Variants in SAMD12 observed in about 807,000 individuals in gnomAD.
The protein encoded by SAMD12 is sterile alpha motif domain containing 12.
In SAMD12, 9 loss-of-function variants were observed where a neutral mutation model predicts 15.0. The observed-to-expected ratio is 0.60, with a 90% CI of 0.36 to 1.05. The LOEUF (loss-of-function observed/expected upper bound fraction) is 1.05, where lower values mean the gene tolerates loss of function less well. Among genes scored for constraint, SAMD12 ranks in the 50% least tolerant of loss-of-function variants. The pLI is 0.01. For missense variants in SAMD12, 230 were observed against 234.2 expected, an observed-to-expected ratio of 0.98 and a Z score of 0.12; for synonymous variants, 86 against 90.1, an observed-to-expected ratio of 0.96 and a Z score of 0.25.
At chr8:118,561,335 A>G (rs1826694947) in intron 2 of SAMD12, among the ~76,000 whole-genome samples, 1 of 152,242 alleles carries the variant, frequency 6.6e-6, no homozygotes, top group Non-Finnish European at 1.5e-5. Flanking sequence ...CTGTACAGTT[A>G]ATTTAAAATA....
chr8:118,529,972 T>C (rs1370824209), intron 2 of SAMD12, among the ~76,000 whole-genome samples: 1 of 152,228 alleles, frequency 6.6e-6, no homozygotes, highest in African/African-American at 2.4e-5. Flanking sequence ...CCATTAGAGA[T>C]TGCACTAATT....
intron 4 of SAMD12, among the ~76,000 whole-genome samples, chr8:118,305,144 CAAAAA>C (rs56200866): frequency 0.077 from 3,691 of 48,204 alleles, 103 homozygotes; most frequent in Non-Finnish European, 0.088. Flanking sequence ...GACTCCCTGT[CAAAAA>C]AAAAAAAAAA....
the SAMD12 span, among the ~76,000 whole-genome samples, chr8:118,139,182 A>C: frequency 6.6e-6 from 1 of 151,798 alleles, no homozygotes; most frequent in Non-Finnish European, 1.5e-5. Context: ...GTGAAGTCAG[A>C]CCAGAGATTG....
chr8:118,369,701 G>A lies in SAMD12; in HGVS notation c.433+9859C>T, dbSNP rs544850722. Among the ~76,000 whole-genome samples the A allele has an allele frequency of 1.1e-4, 17 of 151,514 alleles. No individual in the cohort carries two copies. In the South Asian group the frequency reaches 3.6e-3, roughly 32 times the overall value. ...TTATACTCCCGCCCGGGCAACAAGA[G>A]TAAAACTCTGTCTCAAAAAAAATAA... is the stretch of plus-strand genomic sequence containing the variant. On this transcript the variant is annotated intron_variant, in intron 4 of 4. Transcript: ENST00000409003.
At chr8:118,219,543 T>C (rs1027240567) in intron 4 of SAMD12, among the ~76,000 whole-genome samples, 7 of 152,158 alleles carry the variant, frequency 4.6e-5, no homozygotes, top group African/African-American at 1.2e-4. Context: ...ATCCCTCCCT[T>C]TGAGTGGAGG....
chr8:118,171,579 A>G, the SAMD12 span, among the ~76,000 whole-genome samples: 1 of 152,204 alleles, frequency 6.6e-6, no homozygotes, highest in African/African-American at 2.4e-5. Flanking sequence ...ATAAGTTGGT[A>G]GCAAGAGACC....
intron 2 of SAMD12, among the ~76,000 whole-genome samples, chr8:118,576,096 G>A (rs1827141943): frequency 6.6e-6 from 1 of 151,816 alleles, no homozygotes; most frequent in Admixed American, 6.6e-5. Context: ...CCTATACCCA[G>A]AGAACTTCAA....
intron 4 of SAMD12, among the ~76,000 whole-genome samples, chr8:118,350,574 C>A (rs1327315726): frequency 6.6e-6 from 1 of 152,160 alleles, no homozygotes; most frequent in African/African-American, 2.4e-5. Flanking sequence ...GAAGTGCCTG[C>A]CACAGAGCTT....
chr8:118,489,214 C>T (rs2515041), intron 2 of SAMD12, among the ~76,000 whole-genome samples: 85,255 of 151,992 alleles, frequency 0.56, 25,267 homozygotes, highest in African/African-American at 0.77. Flanking sequence ...CACTGATTTA[C>T]AGAACTTCTT....
intron 1 of SAMD12, among the ~76,000 whole-genome samples, chr8:118,599,372 G>A (rs1383743961): frequency 6.6e-6 from 1 of 152,116 alleles, no homozygotes; most frequent in African/African-American, 2.4e-5. Flanking sequence ...CTACCATTCC[G>A]AATTTAACAT....
At chr8:118,149,501 A>G in the SAMD12 span, among the ~76,000 whole-genome samples, 4 of 151,546 alleles carry the variant, frequency 2.6e-5, no homozygotes, top group African/African-American at 9.7e-5. Context: ...AGTATTCTTT[A>G]TGTCTTCTGG....
chr8:118,252,965 A>AC (rs1812853644), intron 4 of SAMD12, among the ~76,000 whole-genome samples: 1 of 152,142 alleles, frequency 6.6e-6, no homozygotes, highest in Non-Finnish European at 1.5e-5. Flanking sequence ...GTGTGGTACC[A>AC]CTGCTGAGAA....
intron 2 of SAMD12, among the ~76,000 whole-genome samples, chr8:118,440,492 T>C (rs1822708021): frequency 6.6e-6 from 1 of 152,072 alleles, no homozygotes; most frequent in Non-Finnish European, 1.5e-5. Context: ...CCCTGAAATG[T>C]CCAGGACCAT....
chr8:118,474,181 G>A (rs1422004973), intron 2 of SAMD12, among the ~76,000 whole-genome samples: 2 of 151,894 alleles, frequency 1.3e-5, no homozygotes, highest in South Asian at 2.1e-4. Flanking sequence ...GGCTGGTGTC[G>A]AACTCCTGAC....
chr8:118,264,119 A>T (rs151180022), intron 4 of SAMD12, among the ~76,000 whole-genome samples: 1 of 152,114 alleles, frequency 6.6e-6, no homozygotes, highest in Non-Finnish European at 1.5e-5. Flanking sequence ...CATCAACACA[A>T]TCTTCTAGTT....
chr8:118,349,773 T>C (rs1391821393), intron 4 of SAMD12, among the ~76,000 whole-genome samples: 1 of 152,212 alleles, frequency 6.6e-6, no homozygotes, highest in African/African-American at 2.4e-5. Flanking sequence ...GTTTCCTCCC[T>C]GAGTCCTCAG....
At chr8:118,159,596 G>A in the SAMD12 span, among the ~76,000 whole-genome samples, 2 of 152,122 alleles carry the variant, frequency 1.3e-5, no homozygotes, top group Non-Finnish European at 2.9e-5. Context: ...AGGATCCTGT[G>A]ACAGTCTAAT....
intron 2 of SAMD12, among the ~76,000 whole-genome samples, chr8:118,497,093 A>G (rs546628095): frequency 1.8e-4 from 27 of 152,364 alleles, no homozygotes; most frequent in Non-Finnish European, 4.4e-5. Context: ...ATTGCAGAGA[A>G]AAGGGAACAC....
intron 4 of SAMD12, among the ~76,000 whole-genome samples, chr8:118,336,256 C>A (rs6994270): frequency 2.0e-5 from 3 of 151,934 alleles, no homozygotes; most frequent in Non-Finnish European, 4.4e-5. Context: ...TTGTCAGAGA[C>A]GGCTAAATAT....
Sources: gnomAD v4.1 joint callset for allele counts (sites outside exome capture counted in the v4.1 genomes callset) on GRCh38, gnomAD v4.1.1 for gene constraint, MANE v1.5 for transcripts, NCBI Gene and HGNC (gene_info 2026-07-23, HGNC 2026-07-21) for gene names.